The following GRM7 variants were observed in gnomAD, a reference collection of about 807,000 sequenced individuals.
The protein encoded by GRM7 is metabotropic glutamate receptor 7.
GRM7 carries 35 observed loss-of-function variants against 84.5 expected under a neutral mutation model. The ratio of observed to expected loss-of-function variants is 0.41; its 90% CI spans 0.32 to 0.55. The LOEUF is 0.55. Ranked by LOEUF, GRM7 falls within the 20% of genes least tolerant of loss-of-function variation. GRM7 has a pLI of 0.19. For synonymous variants in GRM7, 487 were observed against 455.1 expected (o/e 1.07, Z -0.89); for missense variants, 1,003 against 1,194.6 (o/e 0.84, Z 2.36).
rs544236064 is a variant in GRM7 at position 7,097,994 on chromosome 3, C to G, written c.520-48458C>G. 2.0e-5 allele frequency among the ~76,000 whole-genome samples: 3 copies of G among 152,148 alleles called. No homozygotes were observed. In the South Asian group the frequency reaches 6.2e-4, roughly 32 times the overall value. On this transcript the variant is annotated intron_variant, in intron 1 of 9. Coordinates refer to ENST00000357716, the MANE Select transcript of GRM7 (RefSeq NM_000844.4). ...AGCTATTATATCCTGATGACACACA[C>G]TAAAATGACAAAGGGACAAAAGTAA...
intron 2 of GRM7, among the ~76,000 whole-genome samples, chr3:7,290,874 C>T (rs1015168548): frequency 6.6e-6 from 1 of 152,066 alleles, no homozygotes; most frequent in African/African-American, 2.4e-5. Flanking sequence ...TCAAAGATCA[C>T]GCAGAGAGCT....
chr3:7,114,585 A>G (rs903735032), intron 1 of GRM7, among the ~76,000 whole-genome samples: 1 of 152,136 alleles, frequency 6.6e-6, no homozygotes, highest in Non-Finnish European at 1.5e-5. Context: ...AATAAAGCTA[A>G]TTAATCTGCT....
At chr3:7,660,193 C>T (rs1699378124) in intron 8 of GRM7, among the ~76,000 whole-genome samples, 2 of 152,302 alleles carry the variant, frequency 1.3e-5, no homozygotes, top group Middle Eastern at 3.4e-3. Context: ...TTAATGGTGA[C>T]ATCTGGCAGT....
chr3:6,949,675 T>C (rs7644120), intron 1 of GRM7, among the ~76,000 whole-genome samples: 9,487 of 151,222 alleles, frequency 0.063, 414 homozygotes, highest in African/African-American at 0.12. Context: ...CCATTCTCCC[T>C]GTCACTTTCA....
intron 2 of GRM7, among the ~76,000 whole-genome samples, chr3:7,157,956 G>A (rs1694507676): frequency 6.6e-6 from 1 of 152,126 alleles, no homozygotes; most frequent in Non-Finnish European, 1.5e-5. Context: ...GGATAAGGAT[G>A]AGAATCTCCT....
intron 1 of GRM7, among the ~76,000 whole-genome samples, chr3:6,980,029 G>A (rs1002772802): frequency 4.0e-5 from 6 of 151,778 alleles, no homozygotes; most frequent in Admixed American, 2.0e-4. Flanking sequence ...AATTTTTTTT[G>A]TTTACCATCT....
chr3:7,029,461 C>T (rs931760854), intron 1 of GRM7, among the ~76,000 whole-genome samples: 2 of 151,970 alleles, frequency 1.3e-5, no homozygotes, highest in Non-Finnish European at 2.9e-5. Flanking sequence ...AGGATGAAAA[C>T]AATACAAATG....
intron 7 of GRM7, among the ~76,000 whole-genome samples, chr3:7,536,111 T>G (rs932213361): frequency 2.4e-4 from 37 of 152,158 alleles, no homozygotes; most frequent in African/African-American, 8.4e-4. Flanking sequence ...CAAAAGTGTG[T>G]GGTGGCTCAG....
At chr3:6,997,966 A>C in intron 1 of GRM7, among the ~76,000 whole-genome samples, 1 of 151,704 alleles carries the variant, frequency 6.6e-6, no homozygotes, top group Non-Finnish European at 1.5e-5. Flanking sequence ...CTAAAAATAT[A>C]AAATTAGCTG....
At chr3:6,893,282 G>A (rs905358739) in intron 1 of GRM7, among the ~76,000 whole-genome samples, 1 of 152,114 alleles carries the variant, frequency 6.6e-6, no homozygotes, top group Non-Finnish European at 1.5e-5. Flanking sequence ...AAGCTCTGGG[G>A]TTATTGTAGA....
chr3:7,052,010 G>A (rs1045035517), intron 1 of GRM7, among the ~76,000 whole-genome samples: 4 of 151,482 alleles, frequency 2.6e-5, no homozygotes, highest in African/African-American at 7.3e-5. Flanking sequence ...CACAGAATTG[G>A]GGAGTCATAA....
intron 4 of GRM7, among the ~76,000 whole-genome samples, chr3:7,325,463 C>G (rs1700947387): frequency 6.6e-6 from 1 of 152,114 alleles, no homozygotes; most frequent in South Asian, 2.1e-4. Context: ...GGATAAAAGT[C>G]TTGCATTCAA....
chr3:7,176,101 C>T (rs751758999), intron 2 of GRM7, among the ~76,000 whole-genome samples: 1 of 151,694 alleles, frequency 6.6e-6, no homozygotes, highest in Non-Finnish European at 1.5e-5. Flanking sequence ...AAGAGAGCTA[C>T]GTTTACATTT....
chr3:7,178,080 G>A (rs1373423313), intron 2 of GRM7, among the ~76,000 whole-genome samples: 1 of 152,096 alleles, frequency 6.6e-6, no homozygotes, highest in East Asian at 1.9e-4. Context: ...TAATGTATTG[G>A]TTAAGCACAT....
At chr3:7,597,920 A>T (rs1404879607) in intron 8 of GRM7, among the ~76,000 whole-genome samples, 1 of 152,152 alleles carries the variant, frequency 6.6e-6, no homozygotes, top group East Asian at 1.9e-4. Context: ...CTCTTGTTAC[A>T]TTTGAGGCAG....
intron 7 of GRM7, among the ~76,000 whole-genome samples, chr3:7,504,134 AC>A (rs1466826702): frequency 6.6e-6 from 1 of 152,220 alleles, no homozygotes; most frequent in Admixed American, 6.5e-5. Context: ...GTGGTATAAT[AC>A]TTTTAGAGAA....
chr3:7,487,821 G>T (rs1699378328), intron 7 of GRM7, among the ~76,000 whole-genome samples: 1 of 152,194 alleles, frequency 6.6e-6, no homozygotes, highest in African/African-American at 2.4e-5. Context: ...TGAGGCTGAA[G>T]CCAGAGTCAC....
At chr3:7,572,616 G>T (rs929634281) in intron 7 of GRM7, among the ~76,000 whole-genome samples, 1 of 151,224 alleles carries the variant, frequency 6.6e-6, no homozygotes, top group Non-Finnish European at 1.5e-5. Flanking sequence ...TCAGGAGATC[G>T]AGATTATCCT....
intron 7 of GRM7, among the ~76,000 whole-genome samples, chr3:7,529,397 A>G (rs1700939736): frequency 1.3e-5 from 2 of 152,134 alleles, no homozygotes; most frequent in African/African-American, 4.8e-5. Flanking sequence ...CCAGCTGTCT[A>G]TTCGCACATC....
Sources: gnomAD v4.1 joint callset for allele counts (sites outside exome capture counted in the v4.1 genomes callset) on GRCh38, gnomAD v4.1.1 for gene constraint, MANE v1.5 for transcripts, NCBI Gene and HGNC (gene_info 2026-07-23, HGNC 2026-07-21) for gene names.